EML6: variants seen among roughly 807,000 people sequenced by gnomAD.
The protein encoded by EML6 is EMAP like 6, also known as echinoderm microtubule-associated protein-like 6.
In EML6, 154 loss-of-function variants were observed where a neutral mutation model predicts 240.1. The observed-to-expected ratio is 0.64, with a 90% confidence interval of 0.56 to 0.73. EML6 has a LOEUF of 0.73. Ranked by LOEUF, EML6 falls within the 30% of genes least tolerant of loss-of-function variation. The probability of loss-of-function intolerance (pLI) is 0.00; values close to 1 mark genes in which losing one functional copy is unlikely to be tolerated. For synonymous variants in EML6, 1,148 were observed against 899.0 expected (o/e 1.28, Z -4.95); for missense variants, 2,964 against 2,474.6 (o/e 1.20, Z -4.20).
At chr2:54,907,707 G>T (rs1010392331) in intron 24 of EML6, among the ~76,000 whole-genome samples, 1 of 152,180 alleles carries the variant, frequency 6.6e-6, no homozygotes, top group Non-Finnish European at 1.5e-5. Context: ...GATGTGTGAT[G>T]TAAGGACATG....
intron 24 of EML6, among the ~76,000 whole-genome samples, chr2:54,909,500 G>T (rs974657838): frequency 1.3e-5 from 2 of 152,194 alleles, no homozygotes; most frequent in Non-Finnish European, 2.9e-5. Context: ...GTTTGGAAAT[G>T]AGAGAACCTT....
chr2:54,801,898 C>T (rs1268121870), intron 2 of EML6, among the ~76,000 whole-genome samples: 2 of 152,146 alleles, frequency 1.3e-5, no homozygotes, highest in Non-Finnish European at 2.9e-5. Context: ...TCTTGAACTA[C>T]TGTTATCAAG....
intron 2 of EML6, among the ~76,000 whole-genome samples, chr2:54,776,997 G>C (rs1434318653): frequency 6.6e-6 from 1 of 152,102 alleles, no homozygotes; most frequent in Non-Finnish European, 1.5e-5. Context: ...AGTCTACTTT[G>C]TTGTTATTTT....
At chr2:54,903,283 C>T in intron 23 of EML6, 87 bp downstream of exon 23, 3 of 1,519,342 alleles carry the variant, frequency 2.0e-6, no homozygotes, top group South Asian at 1.2e-5. Context: ...GTTTCTTTGA[C>T]CATTTTCCCA....
Position 54,968,243 on chromosome 2 carries a change from CTGG to C in EML6, c.5716_5718del (p.Val1906del). On this transcript the variant is annotated inframe_deletion, in exon 40 of 42. Transcript: ENST00000356458. Reference sequence around the variant, plus strand: ...CATTGTCACAGGAGATGACTTTGGGCTGGTGAAGCTCTTTGATTTTCCATGCAC... The same window carrying C: ...CATTGTCACAGGAGATGACTTTGGGCTGAAGCTCTTTGATTTTCCATGCAC... 4.5e-6 allele frequency: 7 copies of C among 1,551,712 alleles called. No individual in the cohort carries two copies. The highest frequency in any genetic ancestry group is 6.1e-6 in the Non-Finnish European group (7 of 1,146,994).
At position 54,789,287 on chromosome 2, in the gene EML6, G is replaced by A. The variant is rs922112183; in HGVS notation, c.198-23945G>A. ...CCAGCACTTTGGGAGGCCAAGGCGG[G>A]CGGATCACGAGGTCAGGAGATCGAG... is the stretch of plus-strand genomic sequence containing the variant. On this transcript the variant is annotated intron_variant, in intron 2 of 41. Transcript: ENST00000356458. Among the ~76,000 whole-genome samples, 4 of 152,012 alleles carry A rather than the reference G, an allele frequency of 2.6e-5. No homozygotes were observed. The East Asian group carries it at 7.7e-4, about 29-fold the overall frequency.
intron 2 of EML6, among the ~76,000 whole-genome samples, chr2:54,734,550 A>T (rs1271587328): frequency 6.6e-6 from 1 of 152,012 alleles, no homozygotes; most frequent in Non-Finnish European, 1.5e-5. Context: ...GATGGGTTAG[A>T]GGGGCGCAGA....
chr2:54,899,886 C>CCAG, intron 22 of EML6, 104 bp downstream of exon 22: 2 of 1,112,600 alleles, frequency 1.8e-6, no homozygotes, highest in Non-Finnish European at 2.5e-6. Flanking sequence ...TGTTATATGC[C>CCAG]CATAAATATG....
rs1379107364 is a variant in EML6 at position 54,863,809 on chromosome 2, G to C, written c.1852G>C (p.Glu618Gln). The part of the protein sequence containing the change: ...QEGGADSYSE[E>Q]SDSDLSDVPE... ...AGGTGGAGCTGATTCCTACAGTGAA[G>C]AATCTGATTCAGATTTATCTGATGT... The change falls in exon 13 of 42, where the codon GAA (glutamate) becomes CAA (glutamine). Residue 618 changes from glutamate (E) to glutamine (Q), a missense_variant. Transcript: ENST00000356458. 3 of 1,548,260 alleles carry C rather than the reference G, an allele frequency of 1.9e-6. No homozygotes were observed. The highest frequency in any genetic ancestry group is 3.9e-5 in the Admixed American group (2 of 50,692).
chr2:54,969,714 G>A (rs543434248), intron 41 of EML6, among the ~76,000 whole-genome samples: 2 of 152,300 alleles, frequency 1.3e-5, no homozygotes, highest in East Asian at 1.9e-4. Flanking sequence ...GTGATCCCTG[G>A]TTCTGTGCTA....
chr2:54,929,180 C>T (rs554758918), intron 28 of EML6, among the ~76,000 whole-genome samples: 6 of 152,346 alleles, frequency 3.9e-5, no homozygotes, highest in African/African-American at 1.2e-4. Flanking sequence ...TAACCAGAAT[C>T]TGTGCCTTAT....
At chr2:54,919,112 G>A (rs951684464) in intron 26 of EML6, among the ~76,000 whole-genome samples, 3 of 152,008 alleles carry the variant, frequency 2.0e-5, no homozygotes, top group East Asian at 1.9e-4. Flanking sequence ...CTATACTCAC[G>A]TAAATGAGTT....
chr2:54,869,781 T>G (rs951634997), intron 15 of EML6, among the ~76,000 whole-genome samples: 4 of 152,220 alleles, frequency 2.6e-5, no homozygotes, highest in Non-Finnish European at 4.4e-5. Context: ...ACCATAAGAC[T>G]TTTGACTAAT....
intron 28 of EML6, 92 bp downstream of exon 28, chr2:54,928,843 C>T (rs1253852956): frequency 2.1e-6 from 3 of 1,426,728 alleles, no homozygotes; most frequent in Admixed American, 4.1e-5. Flanking sequence ...CTCAAAGTTG[C>T]TGTTTAAGTC....
Position 54,725,052 on chromosome 2 carries a change from T to C in EML6, c.-10T>C. ...GCGGGGGGGCGGGGGGCGCGCGGGGTCGGCTTATCATGGCGGATCGGACGG... is the reference window on the plus strand; with the variant it reads ...GCGGGGGGGCGGGGGGCGCGCGGGGCCGGCTTATCATGGCGGATCGGACGG... On this transcript the variant is annotated 5_prime_UTR_variant, in exon 2 of 42. Coordinates refer to ENST00000356458, the MANE Select transcript of EML6 (RefSeq NM_001039753.4). This position sits in a 1 kb window ranked among gnomAD's most constrained non-coding sequence, Gnocchi z 4.3. 6.7e-7 allele frequency: 1 copy of C among 1,499,392 alleles called. No homozygotes were observed. Among genetic ancestry groups the C allele is most frequent in the Non-Finnish European group, 8.9e-7 (1 of 1,124,914 alleles). The allele number at this position is 1,499,392 out of a possible 1,614,324, so 92.9% of individuals were successfully genotyped here.
intron 22 of EML6, among the ~76,000 whole-genome samples, chr2:54,902,481 C>A (rs954656417): frequency 2.6e-5 from 4 of 152,154 alleles, no homozygotes; most frequent in African/African-American, 9.7e-5. Flanking sequence ...CTCACTGCAC[C>A]CTCCACCTCC....
intron 28 of EML6, among the ~76,000 whole-genome samples, chr2:54,940,069 C>G (rs1438493869): frequency 1.3e-5 from 2 of 152,166 alleles, no homozygotes; most frequent in African/African-American, 2.4e-5. Context: ...GAACTTTTAC[C>G]AAACCAAAAT....
chr2:54,725,710 G>A lies in EML6; in HGVS notation c.197+452G>A, dbSNP rs1682879857. ...AAGATCTAAAAGAAATTTTACTACT[G>A]GTAATTTGGAATCTTCATCTCAGAT... On this transcript the variant is annotated intron_variant, in intron 2 of 41. Transcript: ENST00000356458. The surrounding 1 kb of genome is among the most constrained non-coding windows in gnomAD (Gnocchi z 4.3). Among the ~76,000 whole-genome samples the A allele has an allele frequency of 6.6e-6, 1 of 152,162 alleles. No individual in the cohort carries two copies. Among genetic ancestry groups the A allele is most frequent in the Non-Finnish European group, 1.5e-5 (1 of 68,034 alleles).
chr2:54,735,809 G>A (rs1683363748), intron 2 of EML6, among the ~76,000 whole-genome samples: 2 of 152,248 alleles, frequency 1.3e-5, no homozygotes. Flanking sequence ...AGAGGGAAGT[G>A]AAGTCCAGAT....
Sources: gnomAD v4.1 joint callset for allele counts (sites outside exome capture counted in the v4.1 genomes callset) on GRCh38, gnomAD v4.1.1 for gene constraint, Gnocchi (gnomAD v3.1) non-coding constraint, MANE v1.5 for transcripts, NCBI Gene and HGNC (gene_info 2026-07-23, HGNC 2026-07-21) for gene names.